The following CDC42BPG variants were observed in gnomAD, a reference collection of about 807,000 sequenced individuals.
CDC42BPG encodes serine/threonine-protein kinase MRCK gamma.
In CDC42BPG, 157 loss-of-function variants were observed where a neutral mutation model predicts 192.2. The ratio of observed to expected loss-of-function variants is 0.82; its 90% confidence interval spans 0.72 to 0.93. The LOEUF (loss-of-function observed/expected upper bound fraction) is 0.93, where lower values mean the gene tolerates loss of function less well. CDC42BPG is among the 40% of genes least tolerant of loss of function. CDC42BPG has a pLI of 0.00. For missense variants in CDC42BPG, 1,992 were observed against 2,122.1 expected (o/e 0.94, Z 1.20); for synonymous variants, 981 against 918.5 (o/e 1.07, Z -1.23).
chr11:64,832,617 C>T lies in CDC42BPG; in HGVS notation c.2992G>A (p.Val998Ile). The T allele has an allele frequency of 1.2e-6, 2 of 1,613,926 alleles. No individual in the cohort carries two copies. The highest frequency in any genetic ancestry group is 1.7e-6 in the Non-Finnish European group (2 of 1,180,008). ...CCCGGCACCTACCTCAGATCTAGGA[C>T]CTGCAGGAGGGCCCCACTGGGCGGG... ...LSPPSGALLQ[V>I]LDLRDPQFSA... is the part of the protein sequence containing the mutation. Residue 998 changes from valine to isoleucine, a missense_variant, in exon 26 of 37, where the codon GTC becomes ATC. By Grantham distance (29) the Val-to-Ile change is conservative (BLOSUM62 3). Transcript: ENST00000342711.
intron 3 of CDC42BPG, among the ~76,000 whole-genome samples, chr11:64,841,250 C>T (rs1943268246): frequency 6.6e-6 from 1 of 150,824 alleles, no homozygotes; most frequent in South Asian, 2.1e-4. Context: ...GTCAGGAGTT[C>T]GAGACCAGCC....
intron 20 of CDC42BPG, 93 bp downstream of exon 20, chr11:64,834,173 C>T (rs1942853461): frequency 2.1e-6 from 3 of 1,424,044 alleles, no homozygotes; most frequent in Non-Finnish European, 1.9e-6. Flanking sequence ...ACTCCTGTCT[C>T]CACCACCCTG....
chr11:64,839,715 C>T (rs1032817360), intron 5 of CDC42BPG, 144 bp from the exon 6 acceptor site: 23 of 646,280 alleles, frequency 3.6e-5, no homozygotes, highest in Non-Finnish European at 6.2e-5. Context: ...TGATGAGCAA[C>T]GTGTGTGTGT....
chr11:64,827,238 G>C (rs779910817), intron 33 of CDC42BPG, 40 bp downstream of exon 33: 1 of 1,613,114 alleles, frequency 6.2e-7, no homozygotes, highest in Non-Finnish European at 8.5e-7. Context: ...AAGCGGAGGC[G>C]GCCCCACCCA....
At chr11:64,843,078 C>A (rs1273580112) in intron 1 of CDC42BPG, among the ~76,000 whole-genome samples, 1 of 152,116 alleles carries the variant, frequency 6.6e-6, no homozygotes. Context: ...CAGAAGAGGG[C>A]CGAAGCCCAG....
chr11:64,831,383 A>G lies in CDC42BPG; in HGVS notation c.3304+122T>C, dbSNP rs1776653125. ...GGAGGCTGGAGCACATACGTGGTGC[A>G]AGGCAGTCTGTGTCTCGTGGCTGCA... On this transcript the variant is annotated intron_variant, in intron 28 of 36. Coordinates refer to ENST00000342711, the MANE Select transcript of CDC42BPG (RefSeq NM_017525.3). 5.5e-6 allele frequency: 5 copies of G among 911,910 alleles called. No homozygotes were observed. The Admixed American group carries it at 1.2e-4, about 21-fold the overall frequency. 56.5% of individuals were successfully genotyped at this position (911,910 alleles called of 1,614,324 possible).
chr11:64,826,677 C>G lies in CDC42BPG; in HGVS notation c.4507G>C (p.Asp1503His). 1.3e-6 allele frequency: 2 copies of G among 1,567,800 alleles called. No individual in the cohort carries two copies. Among genetic ancestry groups the G allele is most frequent in the South Asian group, 1.2e-5 (1 of 84,682 alleles). ...GCTGAGGGGCTGCCCTTACTGGGGT[C>G]TGCGTCTCCACCGAGGCCTTCGCTG... ...MGSEGLGGDA[D>H]PMKRKPWTSL... The change falls in exon 35 of 37, where the codon GAC becomes CAC. Residue 1503 changes from aspartate (D) to histidine (H), a missense_variant. Coordinates refer to ENST00000342711, the MANE Select transcript of CDC42BPG (RefSeq NM_017525.3).
At chr11:64,824,612 C>G in intron 36 of CDC42BPG, 83 bp from the exon 37 acceptor site, 1 of 889,754 alleles carries the variant, frequency 1.1e-6, no homozygotes, top group Non-Finnish European at 1.8e-6. Flanking sequence ...TGGAGGCCCC[C>G]TTAGGACCCA....
intron 1 of CDC42BPG, among the ~76,000 whole-genome samples, chr11:64,843,143 C>T (rs1372249437): frequency 6.6e-6 from 1 of 152,010 alleles, no homozygotes; most frequent in Non-Finnish European, 1.5e-5. Context: ...CCTCTGGCCT[C>T]CCACAGGGCA....
At chr11:64,828,252 G>A (rs1382717329) in intron 30 of CDC42BPG, among the ~76,000 whole-genome samples, 2 of 145,016 alleles carry the variant, frequency 1.4e-5, no homozygotes, top group African/African-American at 2.6e-5. Context: ...CTAGTTACTT[G>A]TGCATGCACC....
intron 24 of CDC42BPG, 123 bp from the exon 25 acceptor site, chr11:64,833,082 T>C: frequency 7.5e-7 from 1 of 1,326,470 alleles, no homozygotes; most frequent in East Asian, 2.5e-5. Flanking sequence ...TGTCCCCAAT[T>C]CCTCATCAAG....
In CDC42BPG at chr11:64,826,685, C is replaced by T; in HGVS notation, c.4499G>A (p.Gly1500Glu). 3 of 1,560,768 alleles carry T rather than the reference C, an allele frequency of 1.9e-6. No homozygotes were observed. Among genetic ancestry groups the T allele is most frequent in the Non-Finnish European group, 1.7e-6 (2 of 1,153,658 alleles). ...GCTGCCCTTACTGGGGTCTGCGTCTCCACCGAGGCCTTCGCTGCCCATGGA... is the reference window on the plus strand; with the variant it reads ...GCTGCCCTTACTGGGGTCTGCGTCTTCACCGAGGCCTTCGCTGCCCATGGA... Reference protein sequence around the residue: ...PASMGSEGLGGDADPMKRKPW... With the variant: ...PASMGSEGLGEDADPMKRKPW... The change falls in exon 35 of 37, where the codon GGA becomes GAA. Residue 1500 changes from glycine (G) to glutamate (E), a missense_variant. By Grantham distance (98) the Gly-to-Glu change is moderately conservative. Around this residue, in one of 2 missense-constraint regions of CDC42BPG, gnomAD observed 336 missense variants for 277.9 expected, o/e 1.21. Coordinates refer to ENST00000342711, the MANE Select transcript of CDC42BPG (RefSeq NM_017525.3).
At chr11:64,842,117 G>T (rs775587257) in intron 1 of CDC42BPG, among the ~76,000 whole-genome samples, 2 of 152,176 alleles carry the variant, frequency 1.3e-5, no homozygotes, top group Non-Finnish European at 2.9e-5. Context: ...TCAGCTGACC[G>T]CCTGGTCCCT....
Position 64,832,702 on chromosome 11 carries a change from C to T in CDC42BPG, c.2907G>A (p.Val969=), listed in dbSNP as rs1192570991. ...GGCGTGAGTCACTCAGGGCAGCAAA[C>T]ACGCGCTGCCAGCCCCGCCGGACAC... The part of the protein sequence containing the change: ...PSGVRRGWQR[V]FAALSDSRLL... Residue 969 remains valine (V), a synonymous_variant, in exon 26 of 37, where the codon GTG becomes GTA. Coordinates refer to ENST00000342711, the MANE Select transcript of CDC42BPG (RefSeq NM_017525.3). 1 of 1,611,984 alleles carries T rather than the reference C, an allele frequency of 6.2e-7. No homozygotes were observed. The highest frequency in any genetic ancestry group is 8.5e-7 in the Non-Finnish European group (1 of 1,179,164).
rs752461845 is a variant in CDC42BPG, at chr11:64,840,528, C to G, written c.432+25G>C. ...TCTCCTGTGTCCCTAGGATGTTCCC[C>G]TCCAGCCCCGCCACGTATCCTCACC... On this transcript the variant is annotated intron_variant, in intron 4 of 36. Coordinates refer to ENST00000342711, the MANE Select transcript of CDC42BPG (RefSeq NM_017525.3). The G allele has an allele frequency of 1.4e-5, 23 of 1,610,068 alleles. No homozygotes were observed. The Middle Eastern group carries it at 6.6e-4, about 46-fold the overall frequency.
chr11:64,838,192 G>C, intron 8 of CDC42BPG, 30 bp from the exon 9 acceptor site: 1 of 1,536,124 alleles, frequency 6.5e-7, no homozygotes, highest in Non-Finnish European at 8.8e-7. Flanking sequence ...GAGAGTCAGA[G>C]TCCACAGGCC....
chr11:64,824,461 T>C lies in CDC42BPG; in HGVS notation c.*12A>G. 5.1e-6 allele frequency: 8 copies of C among 1,569,544 alleles called. No individual in the cohort carries two copies. The highest frequency in any genetic ancestry group is 7.0e-6 in the Non-Finnish European group (8 of 1,138,784). ...TCTGCCCTGGGATTGGGGTGGGCCC[T>C]AACAGAGGGCATCAAGGAGAGCTCT... On this transcript the variant is annotated 3_prime_UTR_variant, in exon 37 of 37. Transcript: ENST00000342711.
chr11:64,841,147 T>C (rs753275193), intron 3 of CDC42BPG, among the ~76,000 whole-genome samples: 8 of 145,184 alleles, frequency 5.5e-5, no homozygotes, highest in Non-Finnish European at 9.0e-5. Flanking sequence ...TGAGACTCTA[T>C]CTTAAAAAAA....
At chr11:64,842,144 C>CT (rs1943309974) in intron 1 of CDC42BPG, among the ~76,000 whole-genome samples, 1 of 152,200 alleles carries the variant, frequency 6.6e-6, no homozygotes, top group African/African-American at 2.4e-5. Flanking sequence ...CCCTGGACCC[C>CT]TGGCCCCAGA....
Sources: allele counts gnomAD v4.1 joint callset (sites outside exome capture counted in the v4.1 genomes callset), GRCh38; gene constraint gnomAD v4.1.1; regional missense constraint gnomAD v4.1.1; transcripts MANE v1.5; gene names NCBI Gene and HGNC (gene_info 2026-07-23, HGNC 2026-07-21).